Variants in SAE1 observed in about 807,000 individuals in gnomAD.
The protein encoded by SAE1 is SUMO1 activating enzyme subunit 1.
SAE1 carries 11 observed loss-of-function variants against 40.6 expected under a neutral mutation model. The ratio of observed to expected loss-of-function variants is 0.27; its 90% CI spans 0.17 to 0.45. The LOEUF (loss-of-function observed/expected upper bound fraction) is 0.45, where lower values mean the gene tolerates loss of function less well. Ranked by LOEUF, SAE1 falls within the 20% of genes least tolerant of loss-of-function variation. The probability of loss-of-function intolerance (pLI) is 1.00; values close to 1 mark genes in which losing one functional copy is unlikely to be tolerated. For synonymous variants in SAE1, 155 were observed against 154.3 expected, an observed-to-expected ratio of 1.00 and a Z score of -0.03; for missense variants, 373 against 427.3, an observed-to-expected ratio of 0.87 and a Z score of 1.12.
intron 6 of SAE1, among the ~76,000 whole-genome samples, chr19:47,172,172 G>A (rs1419048221): frequency 2.6e-5 from 4 of 152,244 alleles, no homozygotes; most frequent in African/African-American, 7.2e-5. Context: ...ACCTGCCTCG[G>A]CCTCCCGAAG....
chr19:47,149,892 G>A (rs1261143023), intron 2 of SAE1, among the ~76,000 whole-genome samples: 1 of 151,700 alleles, frequency 6.6e-6, no homozygotes, highest in Non-Finnish European at 1.5e-5. Flanking sequence ...CCTGGCAAAC[G>A]TGGTGAAACC....
At chr19:47,207,462 A>G (rs191385993) in intron 8 of SAE1, among the ~76,000 whole-genome samples, 1 of 151,992 alleles carries the variant, frequency 6.6e-6, no homozygotes, top group Non-Finnish European at 1.5e-5. Context: ...TGCCTAGGTG[A>G]TGTCTTCCTC....
chr19:47,152,155 T>C (rs542081386), intron 3 of SAE1, among the ~76,000 whole-genome samples: 1 of 152,352 alleles, frequency 6.6e-6, no homozygotes, highest in Admixed American at 6.5e-5. Flanking sequence ...AATTTGGAAG[T>C]TGTCTTTTGA....
At position 47,209,436 on chromosome 19, in the gene SAE1, A is replaced by C; in HGVS notation, c.*185A>C. On this transcript the variant is annotated 3_prime_UTR_variant, in exon 9 of 9. Coordinates refer to ENST00000270225, the MANE Select transcript of SAE1 (RefSeq NM_005500.3). ...TTCCCATCACCAGCAGCTGCTCGACAAGGGGCGCAGGGTGGCTGTCTTTGT... is the reference window on the plus strand; with the variant it reads ...TTCCCATCACCAGCAGCTGCTCGACCAGGGGCGCAGGGTGGCTGTCTTTGT... 9.8e-7 allele frequency: 1 copy of C among 1,024,874 alleles called. No homozygotes were observed. The highest frequency in any genetic ancestry group is 1.4e-6 in the Non-Finnish European group (1 of 699,808). The allele number at this position is 1,024,874 out of a possible 1,614,324, so 63.5% of individuals were successfully genotyped here.
At chr19:47,136,844 T>C (rs2058183544) in intron 1 of SAE1, among the ~76,000 whole-genome samples, 1 of 152,082 alleles carries the variant, frequency 6.6e-6, no homozygotes, top group African/African-American at 2.4e-5. Context: ...GATTTCCTTC[T>C]CTGTTCAGAT....
intron 5 of SAE1, among the ~76,000 whole-genome samples, chr19:47,164,711 T>C (rs1305357973): frequency 5.6e-4 from 78 of 138,872 alleles, no homozygotes; most frequent in African/African-American, 1.9e-3. Flanking sequence ...TGCAGTGGCA[T>C]GATCTCAGCT....
In SAE1 at chr19:47,132,418, A is replaced by AT. The variant is rs1347663048; in HGVS notation, c.98+1395dup. ...CGTGCCCCACCACATCATCCGACTA[A>AT]TTTTTGTTTTTTTTTTTTTTTGTAG... On this transcript the variant is annotated intron_variant, in intron 1 of 8. Coordinates refer to ENST00000270225, the MANE Select transcript of SAE1 (RefSeq NM_005500.3). Among the ~76,000 whole-genome samples the AT allele has an allele frequency of 3.3e-3, 482 of 145,774 alleles. 4 individuals carry two copies. Among genetic ancestry groups the AT allele is most frequent in the African/African-American group, 0.01 (405 of 39,294 alleles).
At chr19:47,167,640 T>C (rs1410740026) in intron 5 of SAE1, among the ~76,000 whole-genome samples, 2 of 152,136 alleles carry the variant, frequency 1.3e-5, no homozygotes, top group Non-Finnish European at 2.9e-5. Context: ...CTTCCCAAAT[T>C]ATGCTGTTAT....
chr19:47,139,288 C>T (rs2058202544), intron 1 of SAE1, among the ~76,000 whole-genome samples: 2 of 152,312 alleles, frequency 1.3e-5, no homozygotes, highest in South Asian at 4.1e-4. Flanking sequence ...ATGGTCCTCC[C>T]ACCTTGGCCT....
intron 6 of SAE1, among the ~76,000 whole-genome samples, chr19:47,179,026 T>TTC (rs1004510052): frequency 1.6e-4 from 24 of 151,480 alleles, no homozygotes; most frequent in African/African-American, 5.1e-4. Context: ...ACCTCGTCTC[T>TTC]ACTAAAAATA....
chr19:47,182,912 G>C (rs770015294), intron 6 of SAE1, among the ~76,000 whole-genome samples: 1 of 152,050 alleles, frequency 6.6e-6, no homozygotes, highest in Non-Finnish European at 1.5e-5. Context: ...GCAACACCCT[G>C]TCTCTTTTTT....
Position 47,210,451 on chromosome 19 carries a change from G to A in SAE1, c.*1200G>A, listed in dbSNP as rs1306508037. 6.6e-6 allele frequency: 1 copy of A among 152,152 alleles called. No homozygotes were observed. The highest frequency in any genetic ancestry group is 1.5e-5 in the Non-Finnish European group (1 of 68,026). The allele number at this position is 152,152 out of a possible 1,614,324, so 9.4% of individuals were successfully genotyped here. On this transcript the variant is annotated 3_prime_UTR_variant, in exon 9 of 9. Coordinates refer to ENST00000270225, the MANE Select transcript of SAE1 (RefSeq NM_005500.3). The stretch of plus-strand genomic sequence containing the variant: ...AGTGGCAAGAATTATAATAATAAAG[G>A]GAAGTCAAAAGTGATGCTTCATATG...
intron 4 of SAE1, among the ~76,000 whole-genome samples, chr19:47,153,802 A>G (rs996501063): frequency 1.3e-5 from 2 of 151,906 alleles, no homozygotes; most frequent in East Asian, 3.9e-4. Context: ...TTATTATTTT[A>G]TTTTTTGAGA....
chr19:47,208,346 A>G (rs1400570086), intron 8 of SAE1, among the ~76,000 whole-genome samples: 1 of 151,766 alleles, frequency 6.6e-6, no homozygotes, highest in Non-Finnish European at 1.5e-5. Context: ...TGCAGCCTCA[A>G]TGTCCCAGGC....
At chr19:47,177,187 ATTTTGTGAGCACCTGC>A (rs2058474615) in intron 6 of SAE1, among the ~76,000 whole-genome samples, 1 of 152,218 alleles carries the variant, frequency 6.6e-6, no homozygotes. Context: ...TAGACCAAAC[ATTTTGTGAGCACCTGC>A]TATGTACCAG....
chr19:47,173,195 C>G lies in SAE1; in HGVS notation c.733+3272C>G, dbSNP rs542878999. Among the ~76,000 whole-genome samples the G allele has an allele frequency of 4.6e-5, 7 of 152,272 alleles. No individual in the cohort carries two copies. The East Asian group carries it at 1.3e-3, about 29-fold the overall frequency. Reference sequence around the variant, plus strand: ...TGTATTCTTAGTAGAGGCAGGGTTCCACCGTGTTGGCCAGGCTGGTCTCGA... The same window carrying G: ...TGTATTCTTAGTAGAGGCAGGGTTCGACCGTGTTGGCCAGGCTGGTCTCGA... On this transcript the variant is annotated intron_variant, in intron 6 of 8. Coordinates refer to ENST00000270225, the MANE Select transcript of SAE1 (RefSeq NM_005500.3).
intron 6 of SAE1, 116 bp downstream of exon 6, chr19:47,170,039 G>A: frequency 1.3e-6 from 1 of 744,538 alleles, no homozygotes; most frequent in East Asian, 2.6e-5. Flanking sequence ...TTCTTCATTG[G>A]CTAGTTCTCA....
chr19:47,144,571 C>T (rs2058243050), intron 2 of SAE1, among the ~76,000 whole-genome samples: 1 of 151,124 alleles, frequency 6.6e-6, no homozygotes, highest in African/African-American at 2.4e-5. Flanking sequence ...TGGTGGCGGG[C>T]GCCTGTGGTC....
chr19:47,201,701 T>G (rs2123320810), intron 7 of SAE1, among the ~76,000 whole-genome samples: 1 of 152,088 alleles, frequency 6.6e-6, no homozygotes, highest in Non-Finnish European at 1.5e-5. Context: ...TGGCACCATC[T>G]CGGCTCACTG....
Sources: gnomAD v4.1 joint callset for allele counts (sites outside exome capture counted in the v4.1 genomes callset) on GRCh38, gnomAD v4.1.1 for gene constraint, MANE v1.5 for transcripts, NCBI Gene and HGNC (gene_info 2026-07-23, HGNC 2026-07-21) for gene names.